The following SLC25A30 variants were observed in gnomAD, a reference collection of about 807,000 sequenced individuals.
SLC25A30 encodes solute carrier family 25 member 30.
SLC25A30 carries 29 observed loss-of-function variants against 42.7 expected under a neutral mutation model. That is an observed-to-expected ratio of 0.68 (90% CI 0.51 to 0.93). SLC25A30 has a LOEUF of 0.93. Ranked by LOEUF, SLC25A30 falls within the 40% of genes least tolerant of loss-of-function variation. The pLI, the probability that SLC25A30 is intolerant of heterozygous loss-of-function variation, is 0.00. For missense variants in SLC25A30, 300 were observed against 359.7 expected (o/e 0.83, Z 1.34); for synonymous variants, 124 against 131.0 (o/e 0.95, Z 0.37).
In SLC25A30 at chr13:45,394,850, GA is replaced by G; in HGVS notation, c.*1123del. Reference sequence around the variant, plus strand: ...AGGTATTTTCCATCCAAACTAAACAGAAAGTCCAAGACAGGCACAACATAAA... The same window carrying G: ...AGGTATTTTCCATCCAAACTAAACAGAAGTCCAAGACAGGCACAACATAAA... On this transcript the variant is annotated 3_prime_UTR_variant, in exon 10 of 10. Coordinates refer to ENST00000519676, the MANE Select transcript of SLC25A30 (RefSeq NM_001010875.4). The G allele has an allele frequency of 1.0e-6, 1 of 985,294 alleles. No individual in the cohort carries two copies. The allele number at this position is 985,294 out of a possible 1,614,324, so 61.0% of individuals were successfully genotyped here. A position where few individuals can be genotyped will look rare whatever the true frequency, so the allele number is the denominator to read the frequency against.
Position 45,393,496 on chromosome 13 carries a change from T to TA in SLC25A30, c.*2477dup. The TA allele has an allele frequency of 1.0e-6, 1 of 985,362 alleles. No individual in the cohort carries two copies. Among genetic ancestry groups the TA allele is most frequent in the Middle Eastern group, 5.2e-4 (1 of 1,914 alleles). The allele number at this position is 985,362 out of a possible 1,614,324, so 61.0% of individuals were successfully genotyped here. A position where few individuals can be genotyped will look rare whatever the true frequency, so the allele number is the denominator to read the frequency against. ...AATATAAAGGACAGGAGCCACTTTT[T>TA]ATATTATGAATCCACAACATTAAGC... On this transcript the variant is annotated 3_prime_UTR_variant, in exon 10 of 10. Transcript: ENST00000519676.
chr13:45,433,965 A>T, the SLC25A30 span, among the ~76,000 whole-genome samples: 1 of 152,220 alleles, frequency 6.6e-6, no homozygotes. Flanking sequence ...ACTGATTATA[A>T]AATTCCAATC....
At position 45,395,818 on chromosome 13, in the gene SLC25A30, AACAC is replaced by A; in HGVS notation, c.*152_*155del. On this transcript the variant is annotated 3_prime_UTR_variant, in exon 10 of 10. Transcript: ENST00000519676. ...CGTTTGATGAAGAGCATCCAATGCC[AACAC>A]ACAGCAATCTCAACTAACCCAGTCT... is the stretch of plus-strand genomic sequence containing the variant. 11 of 1,528,314 alleles carry A rather than the reference AACAC, an allele frequency of 7.2e-6. No individual in the cohort carries two copies. The highest frequency in any genetic ancestry group is 1.7e-4 in the Middle Eastern group (1 of 5,728). 94.7% of individuals were successfully genotyped at this position (1,528,314 alleles called of 1,614,324 possible).
At chr13:45,424,504 AAAAT>A in the SLC25A30 span, among the ~76,000 whole-genome samples, 6 of 37,274 alleles carry the variant, frequency 1.6e-4, no homozygotes, top group Admixed American at 4.2e-4. Context: ...TAAATATATA[AAAAT>A]ATATATAAAT....
chr13:45,398,005 A>G (rs550588949), intron 8 of SLC25A30: 1 of 985,398 alleles, frequency 1.0e-6, no homozygotes, highest in African/African-American at 1.7e-5. Context: ...GAGTACCACT[A>G]TTTCCCAAGA....
At chr13:45,416,578 G>T (rs1221740335) in intron 1 of SLC25A30, among the ~76,000 whole-genome samples, 1 of 151,984 alleles carries the variant, frequency 6.6e-6, no homozygotes. Flanking sequence ...ACCAGCCTGG[G>T]CAACAGAATG....
At chr13:45,423,420 A>G (rs1026862194), upstream of SLC25A30, among the ~76,000 whole-genome samples, 8 of 147,300 alleles carry the variant, frequency 5.4e-5, no homozygotes, top group Non-Finnish European at 1.0e-4. Flanking sequence ...GTATCTTTTT[A>G]ATTTTTATGC....
intron 1 of SLC25A30, among the ~76,000 whole-genome samples, chr13:45,413,555 CTT>C (rs71070984): frequency 2.8e-4 from 39 of 140,260 alleles, no homozygotes; most frequent in Non-Finnish European, 2.6e-4. Context: ...GACTCCATCT[CTT>C]TTTTTTTTTT....
intron 3 of SLC25A30, among the ~76,000 whole-genome samples, chr13:45,406,796 A>G (rs186513424): frequency 2.6e-5 from 4 of 152,288 alleles, no homozygotes; most frequent in Admixed American, 2.0e-4. Flanking sequence ...TCCTACTTGT[A>G]GCTGTCTCCT....
the SLC25A30 span, among the ~76,000 whole-genome samples, chr13:45,432,688 C>G: frequency 6.6e-6 from 1 of 150,940 alleles, no homozygotes; most frequent in South Asian, 2.1e-4. Flanking sequence ...ATTATTATGG[C>G]CAGGTATATC....
upstream of SLC25A30, among the ~76,000 whole-genome samples, chr13:45,422,584 A>G (rs1883914101): frequency 6.6e-6 from 1 of 152,132 alleles, no homozygotes; most frequent in Non-Finnish European, 1.5e-5. Context: ...TGCCTCAACT[A>G]GATGCTTGCT....
At chr13:45,402,472 T>C in intron 5 of SLC25A30, 102 bp from the exon 6 acceptor site, 1 of 945,854 alleles carries the variant, frequency 1.1e-6, no homozygotes, top group South Asian at 1.4e-5. Flanking sequence ...AGTTGCTTAA[T>C]AACCATTAGC....
At chr13:45,412,569 C>T (rs776979002) in intron 1 of SLC25A30, among the ~76,000 whole-genome samples, 3 of 152,158 alleles carry the variant, frequency 2.0e-5, no homozygotes, top group East Asian at 1.9e-4. Flanking sequence ...TTTTCTTCTT[C>T]GCCAACACCA....
Position 45,405,841 on chromosome 13 carries a change from A to G in SLC25A30, c.307+42T>C. ...AACCACTTGAATAAAAAGACAGACAACCAACCTCCTGTCCACAGTGGAAAA... is the reference window on the plus strand; with the variant it reads ...AACCACTTGAATAAAAAGACAGACAGCCAACCTCCTGTCCACAGTGGAAAA... On this transcript the variant is annotated intron_variant, in intron 4 of 9. Transcript: ENST00000519676. 4 of 1,587,516 alleles carry G rather than the reference A, an allele frequency of 2.5e-6. No homozygotes were observed. The South Asian group carries it at 3.4e-5, about 13-fold the overall frequency.
the SLC25A30 span, among the ~76,000 whole-genome samples, chr13:45,424,002 A>C: frequency 5.2e-5 from 3 of 57,356 alleles, no homozygotes; most frequent in African/African-American, 1.8e-4. Flanking sequence ...AATATATATA[A>C]AAATATATAT....
the SLC25A30 span, among the ~76,000 whole-genome samples, chr13:45,429,071 T>C: frequency 7.4e-6 from 1 of 134,368 alleles, no homozygotes; most frequent in Admixed American, 7.4e-5. Context: ...TTTTTTTTTT[T>C]TTTTTTTTTT....
Position 45,404,401 on chromosome 13 carries a change from G to C in SLC25A30, c.319C>G (p.Pro107Ala). The C allele has an allele frequency of 6.2e-7, 1 of 1,611,540 alleles. No individual in the cohort carries two copies. The highest frequency in any genetic ancestry group is 1.1e-5 in the South Asian group (1 of 91,030). Residue 107 changes from proline to alanine, a missense_variant, in exon 5 of 10, where the codon CCG (proline) becomes GCG (alanine). Pro to Ala is a conservative substitution (Grantham distance 27, BLOSUM62 -1). Coordinates refer to ENST00000519676, the MANE Select transcript of SLC25A30 (RefSeq NM_001010875.4). ...AGAATTCCACATATCACATTTATCG[G>C]TAGAGTTTCATCTGTAAACAATGAC... ...FIERPEDETL[P>A]INVICGILSG...
chr13:45,424,834 A>G, the SLC25A30 span, among the ~76,000 whole-genome samples: 2 of 56,264 alleles, frequency 3.6e-5, no homozygotes, highest in Admixed American at 6.8e-4. Flanking sequence ...AAAAATATAT[A>G]TATAAAAATA....
rs188777851 is a variant in SLC25A30, at chr13:45,416,219, C to A, written c.-56+2081G>T. Among the ~76,000 whole-genome samples the A allele has an allele frequency of 1.1e-4, 17 of 151,474 alleles. No individual in the cohort carries two copies. The East Asian group carries it at 3.4e-3, about 30-fold the overall frequency. ...CGTCAGGAGTTCGAGACCAGCCTGG[C>A]CAACACGGTGAAATCCTGTCTCTAT... On this transcript the variant is annotated intron_variant, in intron 1 of 9. Transcript: ENST00000519676.
Sources: gnomAD v4.1 joint callset for allele counts (sites outside exome capture counted in the v4.1 genomes callset) on GRCh38, gnomAD v4.1.1 for gene constraint, MANE v1.5 for transcripts, NCBI Gene and HGNC (gene_info 2026-07-23, HGNC 2026-07-21) for gene names.